The following MICU1 variants were observed in gnomAD, a reference collection of about 807,000 sequenced individuals.
MICU1 encodes calcium uptake protein 1, mitochondrial.
MICU1 carries 45 observed loss-of-function variants against 56.8 expected under a neutral mutation model. That is an observed-to-expected ratio of 0.79 (90% confidence interval 0.62 to 1.02). The LOEUF (loss-of-function observed/expected upper bound fraction) is 1.02. Ranked by LOEUF, MICU1 falls within the 50% of genes least tolerant of loss-of-function variation. The pLI is 0.00. For synonymous variants in MICU1, 186 were observed against 195.1 expected (o/e 0.95, Z 0.39); for missense variants, 504 against 587.1 (o/e 0.86, Z 1.46).
chr10:72,432,901 G>C (rs1864588229), intron 8 of MICU1, among the ~76,000 whole-genome samples: 1 of 152,154 alleles, frequency 6.6e-6, no homozygotes, highest in Non-Finnish European at 1.5e-5. Flanking sequence ...TTTTATGTGT[G>C]GAAATTTAAA....
intron 1 of MICU1, among the ~76,000 whole-genome samples, chr10:72,567,714 C>T (rs1307776556): frequency 6.6e-6 from 1 of 152,144 alleles, no homozygotes; most frequent in African/African-American, 2.4e-5. Flanking sequence ...ATGAGAGTTG[C>T]TGCTAAAACT....
chr10:72,564,487 C>T (rs1282816045), intron 2 of MICU1, among the ~76,000 whole-genome samples: 1 of 142,490 alleles, frequency 7.0e-6, no homozygotes, highest in East Asian at 2.0e-4. Context: ...TGCAGTGAGC[C>T]GAGATTGTAC....
intron 6 of MICU1, among the ~76,000 whole-genome samples, chr10:72,496,423 T>A (rs1158483361): frequency 1.3e-5 from 2 of 151,788 alleles, no homozygotes; most frequent in African/African-American, 4.8e-5. Flanking sequence ...TGCCTCAGCC[T>A]CCTGAATAGC....
At chr10:72,501,262 A>G (rs1036515395) in intron 6 of MICU1, among the ~76,000 whole-genome samples, 19 of 152,172 alleles carry the variant, frequency 1.2e-4, no homozygotes, top group Non-Finnish European at 2.5e-4. Flanking sequence ...GGATACAAAT[A>G]TATGAATTCT....
At chr10:72,595,873 T>C (rs1346677715) in intron 1 of MICU1, among the ~76,000 whole-genome samples, 2 of 152,146 alleles carry the variant, frequency 1.3e-5, no homozygotes, top group African/African-American at 2.4e-5. Flanking sequence ...CTCTCACCTA[T>C]AATCCCAACA....
intron 11 of MICU1, among the ~76,000 whole-genome samples, chr10:72,370,442 G>A (rs1344888709): frequency 2.0e-5 from 3 of 152,056 alleles, no homozygotes; most frequent in African/African-American, 7.2e-5. Context: ...TCTGGCTGAA[G>A]AGAGTATGGG....
chr10:72,602,890 G>A (rs1204235380), intron 1 of MICU1, among the ~76,000 whole-genome samples: 1 of 151,746 alleles, frequency 6.6e-6, no homozygotes, highest in Admixed American at 6.6e-5. Context: ...GGCGGATCAC[G>A]AGGTCAGGAG....
At chr10:72,526,024 CT>C (rs1867952897) in intron 5 of MICU1, among the ~76,000 whole-genome samples, 1 of 151,882 alleles carries the variant, frequency 6.6e-6, no homozygotes, top group Non-Finnish European at 1.5e-5. Context: ...AAACAGAGTA[CT>C]GAGATACTCA....
At chr10:72,583,972 A>C (rs1414425186) in intron 1 of MICU1, among the ~76,000 whole-genome samples, 1 of 152,248 alleles carries the variant, frequency 6.6e-6, no homozygotes, top group Non-Finnish European at 1.5e-5. Flanking sequence ...AAGCTATTTT[A>C]AATGATCTGG....
intron 3 of MICU1, among the ~76,000 whole-genome samples, chr10:72,559,894 G>A (rs1840250363): frequency 6.6e-6 from 1 of 152,240 alleles, no homozygotes; most frequent in South Asian, 2.1e-4. Flanking sequence ...ATTCTCATAG[G>A]AGCATGAACC....
chr10:72,478,945 T>C (rs755943220), intron 6 of MICU1, among the ~76,000 whole-genome samples: 2 of 152,198 alleles, frequency 1.3e-5, no homozygotes, highest in Non-Finnish European at 2.9e-5. Flanking sequence ...CTTCAATTGC[T>C]GGGAAGGATG....
intron 1 of MICU1, among the ~76,000 whole-genome samples, chr10:72,600,494 T>C (rs1841498737): frequency 6.7e-6 from 1 of 150,238 alleles, no homozygotes; most frequent in Non-Finnish European, 1.5e-5. Context: ...ACTGAAAATA[T>C]AAAAATTAGC....
intron 5 of MICU1, among the ~76,000 whole-genome samples, chr10:72,519,487 G>A (rs759251742): frequency 6.6e-6 from 1 of 152,168 alleles, no homozygotes; most frequent in Non-Finnish European, 1.5e-5. Context: ...CACTACACAT[G>A]TGTAACTGTT....
intron 8 of MICU1, among the ~76,000 whole-genome samples, chr10:72,424,697 C>A (rs1864292218): frequency 6.6e-6 from 1 of 152,118 alleles, no homozygotes; most frequent in African/African-American, 2.4e-5. Flanking sequence ...TAACATGCAG[C>A]TACATGTGAC....
At chr10:72,510,412 C>A (rs1455423288) in intron 5 of MICU1, among the ~76,000 whole-genome samples, 1 of 152,138 alleles carries the variant, frequency 6.6e-6, no homozygotes, top group African/African-American at 2.4e-5. Context: ...TTGGAGACAT[C>A]ATGCCACTTT....
rs1867899204 is a variant in MICU1, at chr10:72,524,039, A to G, written c.537+9707T>C. ...TTATGTAAGAAATTTCAAAAGAAAAAAAGATTAATTTTTAACTTGAAGTTA... is the reference window on the plus strand; with the variant it reads ...TTATGTAAGAAATTTCAAAAGAAAAGAAGATTAATTTTTAACTTGAAGTTA... On this transcript the variant is annotated intron_variant, in intron 5 of 11. Transcript: ENST00000361114. 3 of 1,206,794 alleles carry G rather than the reference A, an allele frequency of 2.5e-6. No homozygotes were observed. In the South Asian group the frequency reaches 9.6e-5, roughly 39 times the overall value. The allele number at this position is 1,206,794 out of a possible 1,614,324, so 74.8% of individuals were successfully genotyped here.
At chr10:72,468,814 T>C (rs1865870181) in intron 8 of MICU1, among the ~76,000 whole-genome samples, 1 of 152,238 alleles carries the variant, frequency 6.6e-6, no homozygotes, top group Non-Finnish European at 1.5e-5. Flanking sequence ...GAAGGTAGAC[T>C]GTACATATTC....
intron 8 of MICU1, among the ~76,000 whole-genome samples, chr10:72,459,925 T>C (rs1482799517): frequency 1.3e-5 from 2 of 152,210 alleles, no homozygotes; most frequent in African/African-American, 4.8e-5. Context: ...TCATACCAAT[T>C]GCCAAACTGC....
At chr10:72,557,065 C>CA (rs557963130) in intron 3 of MICU1, among the ~76,000 whole-genome samples, 20 of 141,422 alleles carry the variant, frequency 1.4e-4, no homozygotes, top group African/African-American at 3.4e-4. Flanking sequence ...GACTTCATCC[C>CA]AAAAAAAAAA....
Sources: allele counts gnomAD v4.1 joint callset (sites outside exome capture counted in the v4.1 genomes callset), GRCh38; gene constraint gnomAD v4.1.1; transcripts MANE v1.5; gene names NCBI Gene and HGNC (gene_info 2026-07-23, HGNC 2026-07-21).